The following NBAS variants were observed in gnomAD, a reference collection of about 807,000 sequenced individuals.
NBAS encodes NBAS subunit of NRZ tethering complex.
NBAS carries 219 observed loss-of-function variants against 302.5 expected under a neutral mutation model. The observed-to-expected ratio is 0.72, with a 90% CI of 0.65 to 0.81. The LOEUF (loss-of-function observed/expected upper bound fraction) is 0.81. Ranked by LOEUF, NBAS falls within the 30% of genes least tolerant of loss-of-function variation. NBAS has a pLI of 0.00. For missense variants in NBAS, 2,932 were observed against 2,841.6 expected, an observed-to-expected ratio of 1.03 and a Z score of -0.72; for synonymous variants, 1,118 against 1,021.6, an observed-to-expected ratio of 1.09 and a Z score of -1.80.
the NBAS span, among the ~76,000 whole-genome samples, chr2:15,144,046 A>ATATATATAT: frequency 0.03 from 3,162 of 103,766 alleles, 167 homozygotes; most frequent in Non-Finnish European, 0.037. Context: ...CCTATATATA[A>ATATATATAT]AAATATATAT....
At chr2:15,141,475 A>G in the NBAS span, among the ~76,000 whole-genome samples, 2 of 152,120 alleles carry the variant, frequency 1.3e-5, no homozygotes, top group Admixed American at 1.3e-4. Context: ...GACTGGGGAG[A>G]GCCCTTTTCT....
chr2:15,461,343 C>CA lies in NBAS; in HGVS notation c.2203-7dup. The CA allele has an allele frequency of 1.2e-6, 2 of 1,611,092 alleles. No individual in the cohort carries two copies. Among genetic ancestry groups the CA allele is most frequent in the Non-Finnish European group, 1.7e-6 (2 of 1,177,552 alleles). On this transcript the variant is annotated splice_region_variant and splice_polypyrimidine_tract_variant and intron_variant, in intron 20 of 51. Coordinates refer to ENST00000281513, the MANE Select transcript of NBAS (RefSeq NM_015909.4). ...AGGGCTTGTACATTACTTTCCTGTA[C>CA]AAAAGGCAAGGGGTAAGTTTCTAAT...
At chr2:15,062,769 T>C in the NBAS span, among the ~76,000 whole-genome samples, 2 of 152,172 alleles carry the variant, frequency 1.3e-5, no homozygotes, top group African/African-American at 2.4e-5. Context: ...TTGCAAATAG[T>C]AAAATCCGAA....
intron 42 of NBAS, among the ~76,000 whole-genome samples, chr2:15,281,858 A>G (rs1311983000): frequency 6.6e-6 from 1 of 152,228 alleles, no homozygotes; most frequent in African/African-American, 2.4e-5. Flanking sequence ...AAGGATCACA[A>G]TATGAAAATG....
Position 15,232,478 on chromosome 2 carries a change from G to T in NBAS, c.6180C>A (p.Asp2060Glu). 6.2e-7 allele frequency: 1 copy of T among 1,613,980 alleles called. No individual in the cohort carries two copies. ...GGSADLGGPR[D>E]PLKVLEGVVA... ...CAACACCTTCCAGGACCTTCAGTGGGTCCCTTGGCCCACCAAGGTCAGCAC... is the reference window on the plus strand; with the variant it reads ...CAACACCTTCCAGGACCTTCAGTGGTTCCCTTGGCCCACCAAGGTCAGCAC... Residue 2060 changes from aspartate to glutamate, a missense_variant, in exon 47 of 52, where the codon GAC becomes GAA. Physicochemically the swap from Asp to Glu is conservative, Grantham distance 45 (BLOSUM62 2). Transcript: ENST00000281513.
chr2:14,942,469 C>T, the NBAS span, among the ~76,000 whole-genome samples: 1 of 152,186 alleles, frequency 6.6e-6, no homozygotes, highest in Admixed American at 6.5e-5. Context: ...TGTCTTTTCC[C>T]CCTTCCCCTT....
chr2:14,793,775 T>C, the NBAS span, among the ~76,000 whole-genome samples: 1 of 152,104 alleles, frequency 6.6e-6, no homozygotes, highest in East Asian at 1.9e-4. Flanking sequence ...ATAATTAAAC[T>C]TTTGAAAACT....
intron 38 of NBAS, among the ~76,000 whole-genome samples, chr2:15,315,907 A>G (rs974472700): frequency 5.9e-5 from 9 of 152,124 alleles, no homozygotes; most frequent in Non-Finnish European, 4.4e-5. Context: ...AGCAGCCCTC[A>G]CCCAGACTCA....
At chr2:15,560,095 T>G (rs1304683208) in intron 1 of NBAS, among the ~76,000 whole-genome samples, 2 of 151,922 alleles carry the variant, frequency 1.3e-5, no homozygotes, top group Non-Finnish European at 2.9e-5. Context: ...AAAGAAACAC[T>G]CAGAAAAAAT....
At chr2:14,873,754 AAAATT>A in the NBAS span, among the ~76,000 whole-genome samples, 1 of 151,642 alleles carries the variant, frequency 6.6e-6, no homozygotes, top group Non-Finnish European at 1.5e-5. Flanking sequence ...AATAAAAAAG[AAAATT>A]AAAATATATT....
chr2:15,159,803 G>GCA, the NBAS span, among the ~76,000 whole-genome samples: 33,584 of 147,220 alleles, frequency 0.23, 4,092 homozygotes, highest in South Asian at 0.34. Context: ...ACACACGCGT[G>GCA]CACACACACA....
At chr2:15,079,054 T>C in the NBAS span, among the ~76,000 whole-genome samples, 4 of 152,186 alleles carry the variant, frequency 2.6e-5, no homozygotes, top group South Asian at 6.2e-4. Context: ...TCCCCTCAAG[T>C]AGGAAAAGTG....
the NBAS span, among the ~76,000 whole-genome samples, chr2:14,956,049 T>C: frequency 6.6e-6 from 1 of 152,326 alleles, no homozygotes; most frequent in South Asian, 2.1e-4. Flanking sequence ...TTGAATACTT[T>C]GCTGCTTAGA....
the NBAS span, among the ~76,000 whole-genome samples, chr2:14,789,173 AAG>A: frequency 6.6e-6 from 1 of 152,118 alleles, no homozygotes; most frequent in African/African-American, 2.4e-5. Flanking sequence ...GCCGTTTTTT[AAG>A]CCTGTAGGAA....
intron 32 of NBAS, among the ~76,000 whole-genome samples, chr2:15,360,302 A>T (rs1477566671): frequency 6.7e-6 from 1 of 150,192 alleles, no homozygotes; most frequent in Non-Finnish European, 1.5e-5. Context: ...TTTCTTCAGT[A>T]ATAAGTTAAC....
the NBAS span, among the ~76,000 whole-genome samples, chr2:14,968,353 G>A: frequency 6.0e-4 from 91 of 152,228 alleles, no homozygotes; most frequent in Middle Eastern, 6.8e-3. Context: ...ATAACAATAA[G>A]GGTATGAAGA....
chr2:15,023,483 T>C, the NBAS span, among the ~76,000 whole-genome samples: 3 of 152,022 alleles, frequency 2.0e-5, no homozygotes, highest in African/African-American at 7.2e-5. Flanking sequence ...ATTTGGTTTT[T>C]ATTTTAATAG....
chr2:15,048,463 T>C, the NBAS span, among the ~76,000 whole-genome samples: 7 of 152,374 alleles, frequency 4.6e-5, 1 homozygote, highest in African/African-American at 1.2e-4. Context: ...GGTGGCCTTG[T>C]TTCCGGTCCC....
intron 44 of NBAS, among the ~76,000 whole-genome samples, chr2:15,271,620 C>G (rs1209356087): frequency 1.3e-5 from 2 of 152,288 alleles, no homozygotes; most frequent in East Asian, 3.9e-4. Context: ...TTCTTGACAG[C>G]ATTTCATATG....
Sources: gnomAD v4.1 joint callset for allele counts (sites outside exome capture counted in the v4.1 genomes callset) on GRCh38, gnomAD v4.1.1 for gene constraint, MANE v1.5 for transcripts, NCBI Gene and HGNC (gene_info 2026-07-23, HGNC 2026-07-21) for gene names.